AGBL1: variants seen among roughly 807,000 people sequenced by gnomAD.
AGBL1 encodes the protein cytosolic carboxypeptidase 4.
A neutral mutation model predicts 118.9 loss-of-function variants in AGBL1; 130 were observed. The ratio of observed to expected loss-of-function variants is 1.09; its 90% CI spans 0.95 to 1.26. The LOEUF (loss-of-function observed/expected upper bound fraction) is 1.26. AGBL1 is among the 50% of genes most tolerant of loss of function. The pLI, the probability that AGBL1 is intolerant of heterozygous loss-of-function variation, is 0.00. For missense variants in AGBL1, 1,584 were observed against 1,298.1 expected (o/e 1.22, Z -3.38); for synonymous variants, 555 against 478.9 (o/e 1.16, Z -2.08).
At chr15:86,993,033 C>A (rs1023373724) in intron 24 of AGBL1, among the ~76,000 whole-genome samples, 1 of 152,018 alleles carries the variant, frequency 6.6e-6, no homozygotes, top group Non-Finnish European at 1.5e-5. Context: ...TAAACACTTC[C>A]CATTTATGAC....
In AGBL1 at chr15:86,445,835, T is replaced by C. The variant is rs558157540; in HGVS notation, c.2555+48289T>C. ...ACTCAGGAATTACAGCACGTTGTAT[T>C]AAATCATTTCTTTGTGATGCATTGG... On this transcript the variant is annotated intron_variant, in intron 18 of 22. Transcript: ENST00000614907. Among the ~76,000 whole-genome samples the C allele has an allele frequency of 7.7e-4, 117 of 152,330 alleles. 1 individual carries two copies. Among genetic ancestry groups the C allele is most frequent in the African/African-American group, 2.7e-3 (114 of 41,570 alleles).
chr15:86,391,016 A>T (rs1206470112), intron 17 of AGBL1, among the ~76,000 whole-genome samples: 3 of 142,620 alleles, frequency 2.1e-5, no homozygotes, highest in Non-Finnish European at 4.5e-5. Flanking sequence ...CACTATGGTG[A>T]TAAAAAAAAA....
chr15:86,538,512 C>G (rs1033972126), intron 19 of AGBL1, among the ~76,000 whole-genome samples: 1 of 152,162 alleles, frequency 6.6e-6, no homozygotes, highest in South Asian at 2.1e-4. Flanking sequence ...ATGTTAACTC[C>G]ATTTAGGAAC....
At chr15:87,003,291 C>T (rs985093516) in intron 24 of AGBL1, among the ~76,000 whole-genome samples, 10 of 151,914 alleles carry the variant, frequency 6.6e-5, no homozygotes, top group East Asian at 1.9e-4. Flanking sequence ...TCTTGATTTG[C>T]GTATGTTGAA....
chr15:86,642,531 A>G (rs1290842712), intron 21 of AGBL1, among the ~76,000 whole-genome samples: 1 of 152,092 alleles, frequency 6.6e-6, no homozygotes, highest in Non-Finnish European at 1.5e-5. Context: ...AAGAGTATTC[A>G]TATTTCTAAT....
intron 22 of AGBL1, among the ~76,000 whole-genome samples, chr15:86,816,460 C>G (rs1596509912): frequency 6.6e-6 from 1 of 151,884 alleles, no homozygotes; most frequent in Non-Finnish European, 1.5e-5. Context: ...GACATCGACA[C>G]CAAAGAAATA....
chr15:86,152,110 T>C (rs2077120265), intron 3 of AGBL1, among the ~76,000 whole-genome samples: 1 of 152,182 alleles, frequency 6.6e-6, no homozygotes, highest in South Asian at 2.1e-4. Flanking sequence ...AATTTATAGA[T>C]TCAATGCCAT....
intron 9 of AGBL1, 121 bp downstream of exon 9, chr15:86,258,152 C>A: frequency 1.1e-6 from 1 of 934,738 alleles, no homozygotes. Flanking sequence ...AGTACTGCCA[C>A]TCCAGTGGTC....
chr15:86,651,438 A>C (rs1015017817), intron 21 of AGBL1, among the ~76,000 whole-genome samples: 5 of 152,208 alleles, frequency 3.3e-5, no homozygotes, highest in African/African-American at 1.2e-4. Context: ...GTAGAAACAC[A>C]TAAGAAATGG....
chr15:87,013,911 G>A (rs2081585511), intron 24 of AGBL1, among the ~76,000 whole-genome samples: 1 of 152,120 alleles, frequency 6.6e-6, no homozygotes, highest in African/African-American at 2.4e-5. Flanking sequence ...TTGATTCCAG[G>A]AGCTACCCTT....
chr15:86,233,760 A>G (rs570658949), intron 6 of AGBL1, among the ~76,000 whole-genome samples: 3 of 152,338 alleles, frequency 2.0e-5, no homozygotes, highest in South Asian at 4.1e-4. Context: ...TATTGTTCTC[A>G]TCCTCCAGCC....
At chr15:86,484,930 C>T (rs1217359145) in intron 18 of AGBL1, among the ~76,000 whole-genome samples, 1 of 152,144 alleles carries the variant, frequency 6.6e-6, no homozygotes, top group African/African-American at 2.4e-5. Flanking sequence ...CTACATGCCC[C>T]ACTTTACTTA....
intron 7 of AGBL1, among the ~76,000 whole-genome samples, chr15:86,253,051 G>C (rs940161381): frequency 6.6e-6 from 1 of 152,044 alleles, no homozygotes; most frequent in Non-Finnish European, 1.5e-5. Context: ...GTTCCAGGGA[G>C]AGAAAAAGAA....
intron 21 of AGBL1, among the ~76,000 whole-genome samples, chr15:86,562,251 C>G (rs973317554): frequency 1.3e-5 from 2 of 152,224 alleles, no homozygotes; most frequent in African/African-American, 2.4e-5. Context: ...CCAGTTTTCA[C>G]CCATTCAGTA....
At chr15:86,742,521 G>A (rs984229197) in intron 22 of AGBL1, among the ~76,000 whole-genome samples, 3 of 151,998 alleles carry the variant, frequency 2.0e-5, no homozygotes, top group African/African-American at 7.2e-5. Context: ...ATCAGATTAT[G>A]GGATGCAGGG....
intron 21 of AGBL1, among the ~76,000 whole-genome samples, chr15:86,655,472 CAAT>C (rs1325932698): frequency 6.6e-6 from 1 of 152,124 alleles, no homozygotes; most frequent in East Asian, 1.9e-4. Flanking sequence ...AGTAGGTAAT[CAAT>C]AATTTCCCGT....
At chr15:86,892,298 A>G (rs2080062999) in intron 22 of AGBL1, among the ~76,000 whole-genome samples, 1 of 152,118 alleles carries the variant, frequency 6.6e-6, no homozygotes, top group Admixed American at 6.6e-5. Flanking sequence ...GAAATAGGAC[A>G]TTTATTTCCA....
At chr15:86,898,514 G>A (rs915704436) in intron 22 of AGBL1, among the ~76,000 whole-genome samples, 6 of 151,968 alleles carry the variant, frequency 3.9e-5, no homozygotes, top group African/African-American at 1.2e-4. Context: ...CCTAGATGAA[G>A]GTCTTAGATG....
intron 22 of AGBL1, among the ~76,000 whole-genome samples, chr15:86,728,038 C>G (rs2086846163): frequency 6.6e-6 from 1 of 152,192 alleles, no homozygotes; most frequent in Non-Finnish European, 1.5e-5. Flanking sequence ...TTGTTTAGAC[C>G]TTACTTCTAG....
Sources: allele counts gnomAD v4.1 joint callset (sites outside exome capture counted in the v4.1 genomes callset), GRCh38; gene constraint gnomAD v4.1.1; transcripts MANE v1.5; gene names NCBI Gene and HGNC (gene_info 2026-07-23, HGNC 2026-07-21).